THSD4: variants seen among roughly 807,000 people sequenced by gnomAD.
THSD4 encodes thrombospondin type-1 domain-containing protein 4.
A neutral mutation model predicts 119.0 loss-of-function variants in THSD4; 69 were observed. The observed-to-expected ratio is 0.58, with a 90% CI of 0.48 to 0.71. The LOEUF is 0.71. Ranked by LOEUF, THSD4 falls within the 30% of genes least tolerant of loss-of-function variation. The pLI is 0.00. For synonymous variants in THSD4, 524 were observed against 540.4 expected (o/e 0.97, Z 0.42); for missense variants, 1,393 against 1,391.1 (o/e 1.00, Z -0.02).
intron 7 of THSD4, among the ~76,000 whole-genome samples, chr15:71,501,610 T>TC (rs1469964732): frequency 6.6e-6 from 1 of 152,226 alleles, no homozygotes; most frequent in Non-Finnish European, 1.5e-5. Flanking sequence ...GATGGAATAA[T>TC]CCAGTGTCCT....
intron 7 of THSD4, among the ~76,000 whole-genome samples, chr15:71,506,281 A>G (rs1466490685): frequency 6.6e-6 from 1 of 152,154 alleles, no homozygotes; most frequent in Non-Finnish European, 1.5e-5. Flanking sequence ...TAGGTTGTGC[A>G]CCATGATGTT....
chr15:71,648,519 T>A (rs1033127470), intron 7 of THSD4, among the ~76,000 whole-genome samples: 2 of 152,180 alleles, frequency 1.3e-5, no homozygotes, highest in Non-Finnish European at 2.9e-5. Context: ...GAAAGCATTT[T>A]CTTTAAGTTT....
chr15:71,525,637 A>G (rs2140798460), intron 7 of THSD4, among the ~76,000 whole-genome samples: 1 of 152,360 alleles, frequency 6.6e-6, no homozygotes, highest in East Asian at 1.9e-4. Context: ...GAAATAACTG[A>G]CTTTTGTTAT....
chr15:71,138,064 G>A (rs1023033750), intron 1 of THSD4, among the ~76,000 whole-genome samples: 7 of 151,992 alleles, frequency 4.6e-5, no homozygotes, highest in Admixed American at 6.5e-5. Flanking sequence ...CACAACCACT[G>A]TATCAGTCTG....
rs897855584 is a variant in THSD4, at chr15:71,359,795, C to T, written c.1016-51892C>T. ...ACTGCACTCCAGCCTGAGATCATGCCGGTTCACTCAAGCCTGGGTGACAGA... is the reference window on the plus strand; with the variant it reads ...ACTGCACTCCAGCCTGAGATCATGCTGGTTCACTCAAGCCTGGGTGACAGA... On this transcript the variant is annotated intron_variant, in intron 6 of 17. Coordinates refer to ENST00000261862, the MANE Select transcript of THSD4 (RefSeq NM_024817.3). Among the ~76,000 whole-genome samples the T allele has an allele frequency of 1.1e-4, 17 of 152,120 alleles. 1 individual carries two copies. The East Asian group carries it at 2.5e-3, about 23-fold the overall frequency.
intron 4 of THSD4, among the ~76,000 whole-genome samples, chr15:71,241,018 A>G (rs2044148515): frequency 6.6e-6 from 1 of 152,210 alleles, no homozygotes; most frequent in Middle Eastern, 3.2e-3. Flanking sequence ...AGATGTTAAT[A>G]ATTAGTTGTG....
Position 71,777,629 on chromosome 15 carries a change from A to T in THSD4, c.*255A>T. 2.0e-6 allele frequency: 1 copy of T among 512,270 alleles called. No homozygotes were observed. Among genetic ancestry groups the T allele is most frequent in the Admixed American group, 3.2e-5 (1 of 31,208 alleles). 31.7% of individuals were successfully genotyped at this position (512,270 alleles called of 1,614,324 possible). ...CCCTCCTTGGACCTGGCATCTGCTAATGGTGCCCTTTGAAAGTCAAGCAGT... is the reference window on the plus strand; with the variant it reads ...CCCTCCTTGGACCTGGCATCTGCTATTGGTGCCCTTTGAAAGTCAAGCAGT... On this transcript the variant is annotated 3_prime_UTR_variant, in exon 18 of 18. Transcript: ENST00000261862.
intron 7 of THSD4, 98 bp downstream of exon 7, chr15:71,411,921 C>G (rs886513348): frequency 1.5e-5 from 22 of 1,498,194 alleles, no homozygotes; most frequent in Admixed American, 7.3e-5. Flanking sequence ...TAGCTCCCCC[C>G]AGCCCACGTC....
At chr15:71,652,542 G>A (rs2140982884) in intron 7 of THSD4, among the ~76,000 whole-genome samples, 1 of 152,246 alleles carries the variant, frequency 6.6e-6, no homozygotes, top group South Asian at 2.1e-4. Context: ...TTAGAGTTTG[G>A]GATATCCCCA....
At chr15:71,387,719 A>G (rs1257702012) in intron 6 of THSD4, among the ~76,000 whole-genome samples, 3 of 152,232 alleles carry the variant, frequency 2.0e-5, no homozygotes, top group Admixed American at 6.5e-5. Flanking sequence ...GATTGTAAGT[A>G]TATACAACAA....
At chr15:71,601,068 G>A (rs544287901) in intron 7 of THSD4, among the ~76,000 whole-genome samples, 2 of 152,198 alleles carry the variant, frequency 1.3e-5, no homozygotes, top group South Asian at 4.2e-4. Context: ...TCTTAAAGAT[G>A]AGGAAACTTG....
rs184628107 is a variant in THSD4 at position 71,704,730 on chromosome 15, C to T, written c.1358-23819C>T. ...CACTTGGTCCTGGACATACAGGGGC[C>T]GGTTGGCTACAACCCCTAGCTACAA... is the stretch of plus-strand genomic sequence containing the variant. On this transcript the variant is annotated intron_variant, in intron 8 of 17. Coordinates refer to ENST00000261862, the MANE Select transcript of THSD4 (RefSeq NM_024817.3). Among the ~76,000 whole-genome samples the T allele has an allele frequency of 4.6e-3, 694 of 152,274 alleles. 4 individuals are homozygous for T. The highest frequency in any genetic ancestry group is 0.015 in the African/African-American group (643 of 41,554).
rs772497396 is a variant in THSD4 at position 71,341,311 on chromosome 15, A to G, written c.1016-70376A>G. The G allele has an allele frequency of 5.0e-6, 8 of 1,602,208 alleles. No homozygotes were observed. In the East Asian group the frequency reaches 1.8e-4, roughly 36 times the overall value. ...GAGAGCTCATGTATGGGTTAATCCGACCATGAGCTCTGTAGGTCCGGCGGT... is the reference window on the plus strand; with the variant it reads ...GAGAGCTCATGTATGGGTTAATCCGGCCATGAGCTCTGTAGGTCCGGCGGT... On this transcript the variant is annotated intron_variant, in intron 6 of 17. Transcript: ENST00000261862.
intron 6 of THSD4, among the ~76,000 whole-genome samples, chr15:71,332,892 A>AGTTTTTTTTTTTTTT: frequency 1.3e-5 from 1 of 77,006 alleles, no homozygotes; most frequent in Non-Finnish European, 2.6e-5. Context: ...ATTTTTTTAC[A>AGTTTTTTTTTTTTTT]TTTTTTTTTT....
At chr15:71,282,968 T>A (rs1244305057) in intron 6 of THSD4, among the ~76,000 whole-genome samples, 1 of 112,422 alleles carries the variant, frequency 8.9e-6, no homozygotes, top group Admixed American at 8.1e-5. Flanking sequence ...CAGGTTAGAT[T>A]TTTTTTTTTT....
intron 1 of THSD4, among the ~76,000 whole-genome samples, chr15:71,116,289 T>G (rs1204566910): frequency 6.6e-6 from 1 of 152,262 alleles, no homozygotes; most frequent in Non-Finnish European, 1.5e-5. Flanking sequence ...CTTCCTCAAG[T>G]GCAGCCTAAG....
At chr15:71,546,014 C>G (rs2048831996) in intron 7 of THSD4, among the ~76,000 whole-genome samples, 1 of 152,124 alleles carries the variant, frequency 6.6e-6, no homozygotes, top group Non-Finnish European at 1.5e-5. Context: ...TATTTCAGAT[C>G]AAAGAGAAAG....
At chr15:71,665,556 T>C (rs1228405542) in intron 8 of THSD4, among the ~76,000 whole-genome samples, 1 of 152,224 alleles carries the variant, frequency 6.6e-6, no homozygotes, top group Non-Finnish European at 1.5e-5. Context: ...AGCATCTTCA[T>C]CATGAAATCC....
intron 14 of THSD4, among the ~76,000 whole-genome samples, chr15:71,753,195 A>C (rs1403226336): frequency 1.3e-5 from 2 of 152,128 alleles, no homozygotes; most frequent in Non-Finnish European, 2.9e-5. Context: ...TGGCTTAATG[A>C]CTCACCTTAA....
Sources: allele counts gnomAD v4.1 joint callset (sites outside exome capture counted in the v4.1 genomes callset), GRCh38; gene constraint gnomAD v4.1.1; transcripts MANE v1.5; gene names NCBI Gene and HGNC (gene_info 2026-07-23, HGNC 2026-07-21).